FYN: variants seen among roughly 807,000 people sequenced by gnomAD.
FYN encodes FYN proto-oncogene, Src family tyrosine kinase, also known as tyrosine-protein kinase Fyn.
FYN carries 10 observed loss-of-function variants against 70.2 expected under a neutral mutation model. The observed-to-expected ratio is 0.14, with a 90% CI of 0.09 to 0.24. The LOEUF is 0.24. FYN is among the 10% of genes least tolerant of loss of function. The pLI, the probability that FYN is intolerant of heterozygous loss-of-function variation, is 1.00. For synonymous variants in FYN, 236 were observed against 248.6 expected (o/e 0.95, Z 0.48); for missense variants, 319 against 673.1 (o/e 0.47, Z 5.82).
chr6:111,788,856 T>G (rs1414932320), intron 2 of FYN, among the ~76,000 whole-genome samples: 1 of 152,074 alleles, frequency 6.6e-6, no homozygotes, highest in Non-Finnish European at 1.5e-5. Context: ...GGCCTTCCCT[T>G]TCACTGGATA....
Position 111,661,170 on chromosome 6 carries a change from C to G in FYN, c.*569G>C, listed in dbSNP as rs554564452. On this transcript the variant is annotated 3_prime_UTR_variant, in exon 14 of 14. Transcript: ENST00000354650. This position sits in a 1 kb window ranked among gnomAD's most constrained non-coding sequence, Gnocchi z 4.0. Reference sequence around the variant, plus strand: ...CTCTGGGTCCCGCAGCTTGGTGGCTCAGGCCGGCCACAGTCTCCACATTAG... The same window carrying G: ...CTCTGGGTCCCGCAGCTTGGTGGCTGAGGCCGGCCACAGTCTCCACATTAG... 3.3e-5 allele frequency: 5 copies of G among 152,198 alleles called. No individual in the cohort carries two copies. The South Asian group carries it at 1.0e-3, about 32-fold the overall frequency. 9.4% of individuals were successfully genotyped at this position (152,198 alleles called of 1,614,324 possible).
intron 13 of FYN, among the ~76,000 whole-genome samples, chr6:111,662,745 C>T (rs947807625): frequency 6.6e-5 from 10 of 152,222 alleles, no homozygotes; most frequent in African/African-American, 2.2e-4. Context: ...TCTTAGTTCC[C>T]CACTGTTGGA....
intron 2 of FYN, among the ~76,000 whole-genome samples, chr6:111,783,809 T>G (rs1771264823): frequency 1.3e-5 from 2 of 152,150 alleles, no homozygotes; most frequent in South Asian, 4.1e-4. Flanking sequence ...GGCGGGACAG[T>G]CCAAGGTTTT....
intron 2 of FYN, among the ~76,000 whole-genome samples, chr6:111,812,853 T>C (rs1369133913): frequency 6.6e-6 from 1 of 152,076 alleles, no homozygotes; most frequent in Admixed American, 6.5e-5. Flanking sequence ...ATCTAAAGCA[T>C]GAAATTCTTT....
At chr6:111,735,641 A>G (rs968750395) in intron 3 of FYN, among the ~76,000 whole-genome samples, 1 of 152,122 alleles carries the variant, frequency 6.6e-6, no homozygotes, top group African/African-American at 2.4e-5. Flanking sequence ...AGCTGGGGAG[A>G]AAAGAGAAGC....
chr6:111,794,035 C>T (rs1163927783), intron 2 of FYN: 2 of 152,306 alleles, frequency 1.3e-5, no homozygotes, highest in East Asian at 3.9e-4. Context: ...ACTGTGGAGA[C>T]CTCACTCACC....
At chr6:111,871,858 C>T (rs543601347) in intron 1 of FYN, among the ~76,000 whole-genome samples, 1 of 152,308 alleles carries the variant, frequency 6.6e-6, no homozygotes, top group Admixed American at 6.5e-5. Flanking sequence ...TCAACACTAC[C>T]GGTCTCTGAA....
At chr6:111,682,130 A>T (rs1297957526) in intron 12 of FYN, among the ~76,000 whole-genome samples, 1 of 152,282 alleles carries the variant, frequency 6.6e-6, no homozygotes, top group Non-Finnish European at 1.5e-5. Context: ...CCAGCCAGGC[A>T]GTAAGTTATC....
chr6:111,707,444 TGA>T (rs1800144542), intron 6 of FYN, among the ~76,000 whole-genome samples: 1 of 152,228 alleles, frequency 6.6e-6, no homozygotes, highest in Non-Finnish European at 1.5e-5. Context: ...ACACTGTATG[TGA>T]GTCACTTTTA....
At chr6:111,840,114 G>A (rs1163516378) in intron 2 of FYN, among the ~76,000 whole-genome samples, 1 of 152,216 alleles carries the variant, frequency 6.6e-6, no homozygotes, top group Non-Finnish European at 1.5e-5. Flanking sequence ...CTGAAGTAAT[G>A]AGTGAAACAA....
intron 2 of FYN, among the ~76,000 whole-genome samples, chr6:111,828,455 G>A (rs563831252): frequency 2.0e-5 from 3 of 152,244 alleles, no homozygotes; most frequent in Admixed American, 6.5e-5. Flanking sequence ...ATATTTGTAC[G>A]TCCATGTTCA....
chr6:111,839,476 G>A (rs1294580024), intron 2 of FYN, among the ~76,000 whole-genome samples: 1 of 152,110 alleles, frequency 6.6e-6, no homozygotes, highest in Non-Finnish European at 1.5e-5. Flanking sequence ...GATGAGAGAT[G>A]TAATATTGGT....
At chr6:111,724,205 A>G (rs1386529890) in intron 3 of FYN, among the ~76,000 whole-genome samples, 1 of 152,122 alleles carries the variant, frequency 6.6e-6, no homozygotes, top group Non-Finnish European at 1.5e-5. Flanking sequence ...GGAACGCCGC[A>G]CCCTGCTCCC....
chr6:111,716,870 C>T (rs1445780819), intron 4 of FYN, among the ~76,000 whole-genome samples: 36 of 151,458 alleles, frequency 2.4e-4, no homozygotes, highest in African/African-American at 7.7e-4. Context: ...CTGCAACCTC[C>T]GCCTCCCGGG....
intron 6 of FYN, among the ~76,000 whole-genome samples, chr6:111,705,355 T>C (rs6907204): frequency 0.051 from 7,771 of 151,880 alleles, 589 homozygotes; most frequent in African/African-American, 0.17. Context: ...AGCACCTGGA[T>C]TGTGATCTGT....
chr6:111,758,733 T>G (rs903188343), intron 3 of FYN: 1 of 152,298 alleles, frequency 6.6e-6, no homozygotes, highest in Non-Finnish European at 1.5e-5. Context: ...TCCTTTGGCT[T>G]ACTCTCATAC....
chr6:111,705,780 T>A (rs1311045619), intron 6 of FYN, among the ~76,000 whole-genome samples: 1 of 152,062 alleles, frequency 6.6e-6, no homozygotes, highest in Non-Finnish European at 1.5e-5. Flanking sequence ...ACCAGGGATG[T>A]GGAGGTTGCA....
At chr6:111,853,499 A>C (rs549557782) in intron 1 of FYN, among the ~76,000 whole-genome samples, 2 of 152,304 alleles carry the variant, frequency 1.3e-5, no homozygotes, top group South Asian at 4.1e-4. Context: ...AGTTGGGGAC[A>C]ATCAGGCAAG....
intron 2 of FYN, among the ~76,000 whole-genome samples, chr6:111,787,583 G>A (rs764147004): frequency 2.6e-5 from 4 of 152,174 alleles, no homozygotes; most frequent in Admixed American, 2.0e-4. Flanking sequence ...AATCTTCAAC[G>A]GTCTTTCAGT....
Sources: allele counts gnomAD v4.1 joint callset (sites outside exome capture counted in the v4.1 genomes callset), GRCh38; gene constraint gnomAD v4.1.1; non-coding constraint Gnocchi (gnomAD v3.1); transcripts MANE v1.5; gene names NCBI Gene and HGNC (gene_info 2026-07-23, HGNC 2026-07-21).